The following DLGAP2 variants were observed in gnomAD, a reference collection of about 807,000 sequenced individuals.
DLGAP2 encodes the protein DLG associated protein 2, also known as disks large-associated protein 2.
DLGAP2 carries 26 observed loss-of-function variants against 100.3 expected under a neutral mutation model. The observed-to-expected ratio is 0.26, with a 90% CI of 0.19 to 0.36. The LOEUF is 0.36. Ranked by LOEUF, DLGAP2 falls within the 10% of genes least tolerant of loss-of-function variation. The pLI, the probability that DLGAP2 is intolerant of heterozygous loss-of-function variation, is 1.00. For synonymous variants in DLGAP2, 886 were observed against 630.1 expected, an observed-to-expected ratio of 1.41 and a Z score of -6.08; for missense variants, 1,858 against 1,453.2, an observed-to-expected ratio of 1.28 and a Z score of -4.53.
chr8:1,387,537 G>C (rs116022139), intron 3 of DLGAP2, among the ~76,000 whole-genome samples: 4 of 152,190 alleles, frequency 2.6e-5, no homozygotes, highest in African/African-American at 7.2e-5. Context: ...GTGGTTGCAC[G>C]GCAGTGAGTG....
chr8:1,364,350 G>A (rs189019008), intron 3 of DLGAP2, among the ~76,000 whole-genome samples: 21 of 152,288 alleles, frequency 1.4e-4, no homozygotes, highest in Admixed American at 6.5e-4. Context: ...GATCGTTCTC[G>A]TGATCGTCAA....
chr8:1,450,462 G>T (rs1465115010), intron 3 of DLGAP2, among the ~76,000 whole-genome samples: 1 of 149,186 alleles, frequency 6.7e-6, no homozygotes, highest in East Asian at 2.0e-4. Context: ...GGCTGTGGCT[G>T]AGGCTGAGCT....
intron 3 of DLGAP2, among the ~76,000 whole-genome samples, chr8:1,376,925 G>T (rs1219771485): frequency 1.3e-5 from 2 of 152,232 alleles, no homozygotes; most frequent in African/African-American, 4.8e-5. Context: ...GGCCCCTTCT[G>T]CAGACGCAGT....
At chr8:1,163,934 C>T (rs1012256686) in intron 2 of DLGAP2, among the ~76,000 whole-genome samples, 3 of 152,198 alleles carry the variant, frequency 2.0e-5, no homozygotes, top group African/African-American at 7.2e-5. Context: ...TGGCTTCCTC[C>T]GGGTGAGGTG....
intron 2 of DLGAP2, among the ~76,000 whole-genome samples, chr8:1,038,196 G>C (rs1802190973): frequency 6.6e-6 from 1 of 152,250 alleles, no homozygotes; most frequent in South Asian, 2.1e-4. Context: ...AACGCAGTCA[G>C]TGTCTGTGGT....
intron 1 of DLGAP2, among the ~76,000 whole-genome samples, chr8:819,536 A>G (rs1170668103): frequency 2.6e-5 from 4 of 152,224 alleles, no homozygotes; most frequent in Non-Finnish European, 5.9e-5. Flanking sequence ...TTGGGAATCA[A>G]GAGACTTATT....
chr8:1,146,519 C>A (rs12716579), intron 2 of DLGAP2, among the ~76,000 whole-genome samples: 65,526 of 152,176 alleles, frequency 0.43, 15,547 homozygotes, highest in Non-Finnish European at 0.54. Context: ...TGGAAGCGTT[C>A]CTGCGTGTAT....
At chr8:861,983 CCCA>C (rs1177212366) in intron 1 of DLGAP2, among the ~76,000 whole-genome samples, 7 of 152,206 alleles carry the variant, frequency 4.6e-5, no homozygotes, top group African/African-American at 1.2e-4. Context: ...AAATTCTCAT[CCCA>C]CCAACTGTTT....
At chr8:1,077,138 C>T (rs1803646850) in intron 2 of DLGAP2, among the ~76,000 whole-genome samples, 1 of 152,216 alleles carries the variant, frequency 6.6e-6, no homozygotes, top group African/African-American at 2.4e-5. Context: ...CCAGCCTTCA[C>T]CTTCATGCAG....
At chr8:1,050,671 A>T (rs760624828) in intron 2 of DLGAP2, among the ~76,000 whole-genome samples, 1 of 152,188 alleles carries the variant, frequency 6.6e-6, no homozygotes, top group Non-Finnish European at 1.5e-5. Context: ...CAGTCTCCTC[A>T]TCTTGACATT....
intron 2 of DLGAP2, among the ~76,000 whole-genome samples, chr8:973,384 T>G (rs1800071109): frequency 6.7e-6 from 1 of 148,722 alleles, no homozygotes; most frequent in Non-Finnish European, 1.5e-5. Context: ...GAGGGGCTCC[T>G]CACTTCTCAG....
chr8:890,327 T>C (rs921201018), intron 1 of DLGAP2, among the ~76,000 whole-genome samples: 2 of 152,184 alleles, frequency 1.3e-5, no homozygotes, highest in African/African-American at 2.4e-5. Context: ...AGAGCGTTTG[T>C]GACCACTTGT....
At chr8:1,625,217 A>G (rs999727636) in intron 6 of DLGAP2, among the ~76,000 whole-genome samples, 3 of 152,200 alleles carry the variant, frequency 2.0e-5, no homozygotes, top group Admixed American at 1.3e-4. Context: ...TAATGTTCCT[A>G]TTATCATCCA....
chr8:1,142,132 T>C (rs1442627553), intron 2 of DLGAP2, among the ~76,000 whole-genome samples: 1 of 152,138 alleles, frequency 6.6e-6, no homozygotes, highest in Non-Finnish European at 1.5e-5. Context: ...AAGAAATCTT[T>C]GGAAAGTAAA....
Position 1,684,717 on chromosome 8 carries a change from A to G in DLGAP2, c.2704+6088A>G, listed in dbSNP as rs993318630. Among the ~76,000 whole-genome samples the G allele has an allele frequency of 4.4e-5, 6 of 137,852 alleles. No individual in the cohort carries two copies. In the South Asian group the frequency reaches 1.6e-3, roughly 38 times the overall value. The allele number at this position is 137,852 out of a possible 152,430, so 90.4% of individuals were successfully genotyped here. Reference sequence around the variant, plus strand: ...CTTTCAAGATATTAAATCATTAGTAATGTTTTAAGATTTTTGTATTATGTC... The same window carrying G: ...CTTTCAAGATATTAAATCATTAGTAGTGTTTTAAGATTTTTGTATTATGTC... On this transcript the variant is annotated intron_variant, in intron 12 of 14. Coordinates refer to ENST00000637795, the MANE Select transcript of DLGAP2 (RefSeq NM_001346810.2).
chr8:1,104,705 G>C (rs922084644), intron 2 of DLGAP2, among the ~76,000 whole-genome samples: 1 of 149,950 alleles, frequency 6.7e-6, no homozygotes, highest in Non-Finnish European at 1.5e-5. Context: ...CTGCACTGAG[G>C]GGTTGGGGTC....
chr8:1,245,394 A>C (rs567408504), intron 2 of DLGAP2, among the ~76,000 whole-genome samples: 1 of 152,240 alleles, frequency 6.6e-6, no homozygotes, highest in Non-Finnish European at 1.5e-5. Flanking sequence ...CCATCCATGC[A>C]ATGGAATCTT....
intron 3 of DLGAP2, among the ~76,000 whole-genome samples, chr8:1,261,376 C>G (rs62483871): frequency 8.2e-6 from 1 of 121,504 alleles, no homozygotes. Context: ...GCTTCCAGAT[C>G]TTTAAAATGA....
intron 2 of DLGAP2, among the ~76,000 whole-genome samples, chr8:1,013,303 CT>C (rs1354420508): frequency 2.0e-5 from 3 of 152,106 alleles, no homozygotes; most frequent in Non-Finnish European, 4.4e-5. Flanking sequence ...TACAGTAGAG[CT>C]TTGAGCATCT....
Sources: gnomAD v4.1 joint callset for allele counts (sites outside exome capture counted in the v4.1 genomes callset) on GRCh38, gnomAD v4.1.1 for gene constraint, MANE v1.5 for transcripts, NCBI Gene and HGNC (gene_info 2026-07-23, HGNC 2026-07-21) for gene names.